INTU: variants seen among roughly 807,000 people sequenced by gnomAD.
INTU encodes the protein inturned planar cell polarity protein.
Under a neutral mutation model 100.5 loss-of-function variants are expected in INTU, and 68 were observed. The observed-to-expected ratio is 0.68, with a 90% CI of 0.56 to 0.83. The LOEUF (loss-of-function observed/expected upper bound fraction) is 0.83, where lower values mean the gene tolerates loss of function less well. Ranked by LOEUF, INTU falls within the 40% of genes least tolerant of loss-of-function variation. The probability of loss-of-function intolerance (pLI) is 0.00; values close to 1 mark genes in which losing one functional copy is unlikely to be tolerated. For missense variants in INTU, 1,071 were observed against 1,114.7 expected, an observed-to-expected ratio of 0.96 and a Z score of 0.56; for synonymous variants, 357 against 395.7, an observed-to-expected ratio of 0.90 and a Z score of 1.16.
intron 2 of INTU, among the ~76,000 whole-genome samples, chr4:127,655,684 G>A (rs1478234933): frequency 7.3e-5 from 11 of 151,670 alleles, no homozygotes; most frequent in East Asian, 1.9e-4. Context: ...TTGTTTGTCT[G>A]TGCCCTGCCC....
intron 6 of INTU, among the ~76,000 whole-genome samples, chr4:127,676,791 A>C (rs1254671014): frequency 6.6e-6 from 1 of 152,148 alleles, no homozygotes; most frequent in Non-Finnish European, 1.5e-5. Flanking sequence ...CGAAGCAGGG[A>C]GAGGCATTGC....
chr4:127,655,045 A>C (rs923441149), intron 2 of INTU, among the ~76,000 whole-genome samples: 5 of 151,932 alleles, frequency 3.3e-5, no homozygotes, highest in African/African-American at 9.7e-5. Flanking sequence ...TTCTTCACGT[A>C]GTTCTCGAGC....
rs1175003672 is a variant in INTU at position 127,714,022 on chromosome 4, G to C, written c.2646G>C (p.Leu882Phe). The change falls in exon 15 of 16, where the codon TTG (leucine) becomes TTC (phenylalanine). Residue 882 changes from leucine (L) to phenylalanine (F), a missense_variant. Coordinates refer to ENST00000335251, the MANE Select transcript of INTU (RefSeq NM_015693.4). The stretch of plus-strand genomic sequence containing the variant: ...ACCCTGTTAAAGAACATGGTGTGTT[G>C]TTTGAATGTTCACCTGGAAACTGGA... The part of the protein sequence containing the change: ...SLNPVKEHGV[L>F]FECSPGNWTD... The C allele has an allele frequency of 1.9e-6, 3 of 1,613,598 alleles. No homozygotes were observed. The highest frequency in any genetic ancestry group is 2.5e-6 in the Non-Finnish European group (3 of 1,179,726).
intron 1 of INTU, among the ~76,000 whole-genome samples, chr4:127,634,069 A>G (rs1410781716): frequency 2.0e-5 from 3 of 152,236 alleles, no homozygotes; most frequent in Non-Finnish European, 4.4e-5. Context: ...AATCATTTAT[A>G]TGTATGTAGG....
At chr4:127,668,959 A>G in intron 4 of INTU, 77 bp from the exon 5 acceptor site, 1 of 622,332 alleles carries the variant, frequency 1.6e-6, no homozygotes, top group South Asian at 2.5e-5. Context: ...TCTTTTCTTA[A>G]CACAAAGTTT....
Position 127,711,025 on chromosome 4 carries a change from C to T in INTU, c.2482C>T (p.His828Tyr). Residue 828 changes from histidine (H) to tyrosine (Y), a missense_variant, in exon 14 of 16, where the codon CAC becomes TAC. His to Tyr is a moderately conservative substitution (Grantham distance 83). Transcript: ENST00000335251. ...EEVAQLSGSI[H>Y]PQLIKNFHQC... Reference sequence around the variant, plus strand: ...GGTGGCACAGCTAAGTGGCTCTATCCACCCTCAGCTAATAAAGAATTTCCA... The same window carrying T: ...GGTGGCACAGCTAAGTGGCTCTATCTACCCTCAGCTAATAAAGAATTTCCA... The T allele has an allele frequency of 6.2e-7, 1 of 1,609,514 alleles. No homozygotes were observed. The highest frequency in any genetic ancestry group is 8.5e-7 in the Non-Finnish European group (1 of 1,176,982).
Position 127,715,714 on chromosome 4 carries a change from G to A in INTU, c.2718-611G>A, listed in dbSNP as rs558176028. 3.9e-5 allele frequency among the ~76,000 whole-genome samples: 6 copies of A among 152,258 alleles called. No individual in the cohort carries two copies. The South Asian group carries it at 1.0e-3, about 26-fold the overall frequency. ...AGCTGTTCAGTCGAGTGTTAACTAC[G>A]TTCATGACAATTGGAATAGAAAGAA... is the stretch of plus-strand genomic sequence containing the variant. On this transcript the variant is annotated intron_variant, in intron 15 of 15. Transcript: ENST00000335251.
chr4:127,639,184 A>G (rs1314643694), intron 1 of INTU, among the ~76,000 whole-genome samples: 1 of 151,974 alleles, frequency 6.6e-6, no homozygotes, highest in Non-Finnish European at 1.5e-5. Flanking sequence ...TCTTCCATTA[A>G]TGTTCTTTTT....
intron 8 of INTU, among the ~76,000 whole-genome samples, chr4:127,695,014 T>C (rs149187093): frequency 2.6e-4 from 40 of 152,328 alleles, no homozygotes; most frequent in Middle Eastern, 3.4e-3. Flanking sequence ...ATATAAACTT[T>C]AGAATACCTT....
At chr4:127,705,351 G>C (rs573293427) in intron 10 of INTU, among the ~76,000 whole-genome samples, 1 of 152,174 alleles carries the variant, frequency 6.6e-6, no homozygotes, top group Non-Finnish European at 1.5e-5. Flanking sequence ...AAGCTATGCT[G>C]TGCAGAAGGG....
chr4:127,665,955 C>T (rs1728678234), intron 4 of INTU, among the ~76,000 whole-genome samples: 1 of 152,102 alleles, frequency 6.6e-6, no homozygotes, highest in South Asian at 2.1e-4. Context: ...GTTATTTTCT[C>T]TAATCTATTT....
chr4:127,714,070 A>G lies in INTU; in HGVS notation c.2694A>G (p.Pro898=), dbSNP rs1731181065. Residue 898 remains proline, a synonymous_variant, in exon 15 of 16, where the codon CCA becomes CCG. Coordinates refer to ENST00000335251, the MANE Select transcript of INTU (RefSeq NM_015693.4). ...GGACTGATCAGAAAAAAGCACCACCAGTTATGGCTTACTGGGTAGTAGGGT... is the reference window on the plus strand; with the variant it reads ...GGACTGATCAGAAAAAAGCACCACCGGTTATGGCTTACTGGGTAGTAGGGT... The part of the protein sequence containing the change: ...GNWTDQKKAP[P]VMAYWVVGRL... 2 of 1,613,392 alleles carry G rather than the reference A, an allele frequency of 1.2e-6. No individual in the cohort carries two copies. The highest frequency in any genetic ancestry group is 1.7e-6 in the Non-Finnish European group (2 of 1,179,762).
intron 6 of INTU, among the ~76,000 whole-genome samples, chr4:127,676,453 G>C (rs987730261): frequency 6.6e-6 from 1 of 152,066 alleles, no homozygotes; most frequent in Non-Finnish European, 1.5e-5. Flanking sequence ...AGGCACAGTG[G>C]CATGCACCTG....
intron 8 of INTU, 105 bp from the exon 9 acceptor site, chr4:127,699,905 T>C (rs2148725518): frequency 1.5e-6 from 1 of 670,256 alleles, no homozygotes; most frequent in Admixed American, 3.1e-5. Context: ...AGAAAGATAC[T>C]CAATTTTTCA....
Position 127,669,115 on chromosome 4 carries a change from G to C in INTU, c.1052G>C (p.Cys351Ser). 6.5e-7 allele frequency: 1 copy of C among 1,544,870 alleles called. No individual in the cohort carries two copies. The highest frequency in any genetic ancestry group is 8.8e-7 in the Non-Finnish European group (1 of 1,136,668). Residue 351 changes from cysteine (C) to serine (S), a missense_variant, in exon 5 of 16, where the codon TGT (cysteine) becomes TCT (serine). Coordinates refer to ENST00000335251, the MANE Select transcript of INTU (RefSeq NM_015693.4). ...KSVRGIFLTL[C>S]DMLENVTGTQ... ...GTGAGAGGGATTTTTCTCACACTCT[G>C]TGACATGCTGGAAAACGTAACTGGG...
chr4:127,707,927 G>A (rs746519088), intron 12 of INTU, among the ~76,000 whole-genome samples: 1 of 152,164 alleles, frequency 6.6e-6, no homozygotes, highest in Non-Finnish European at 1.5e-5. Flanking sequence ...ACCAGATGAG[G>A]AGTCTGAGAA....
At chr4:127,676,979 A>G (rs1729233857) in intron 6 of INTU, among the ~76,000 whole-genome samples, 1 of 152,150 alleles carries the variant, frequency 6.6e-6, no homozygotes, top group South Asian at 2.1e-4. Flanking sequence ...TCCTACGCCC[A>G]CGGAGTCTCG....
rs927948748 is a variant in INTU at position 127,705,675 on chromosome 4, G to A, written c.1651G>A (p.Ala551Thr). 3 of 1,613,860 alleles carry A rather than the reference G, an allele frequency of 1.9e-6. No homozygotes were observed. The African/African-American group carries it at 4.0e-5, about 22-fold the overall frequency. The stretch of plus-strand genomic sequence containing the variant: ...TCGCCACTATTGCCTGCTGCCTTTA[G>A]CAGCAAAACAAAGAATTGGTCAGTT... ...YCRHYCLLPL[A>T]AKQRIGQLII... The change falls in exon 11 of 16, where the codon GCA becomes ACA. Residue 551 changes from alanine (A) to threonine (T), a missense_variant. Transcript: ENST00000335251.
chr4:127,684,387 AC>A, intron 6 of INTU, 21 bp from the exon 7 acceptor site: 1 of 1,271,308 alleles, frequency 7.9e-7, no homozygotes, highest in Non-Finnish European at 1.1e-6. Context: ...GTAAATTAAT[AC>A]GTGTAATTTT....
Sources: allele counts gnomAD v4.1 joint callset (sites outside exome capture counted in the v4.1 genomes callset), GRCh38; gene constraint gnomAD v4.1.1; transcripts MANE v1.5; gene names NCBI Gene and HGNC (gene_info 2026-07-23, HGNC 2026-07-21).